Variants in MEIS2 observed in about 807,000 individuals in gnomAD.
MEIS2 encodes the protein Meis homeobox 2, also known as homeobox protein Meis2.
In MEIS2, 9 loss-of-function variants were observed where a neutral mutation model predicts 58.6. The observed-to-expected ratio is 0.15, with a 90% CI of 0.09 to 0.27. The LOEUF (loss-of-function observed/expected upper bound fraction) is 0.27. Among genes scored for constraint, MEIS2 ranks in the 10% least tolerant of loss-of-function variants. The pLI is 1.00. For synonymous variants in MEIS2, 221 were observed against 228.4 expected, an observed-to-expected ratio of 0.97 and a Z score of 0.29; for missense variants, 427 against 635.0, an observed-to-expected ratio of 0.67 and a Z score of 3.52.
chr15:36,993,076 C>A lies in MEIS2; in HGVS notation c.901-42676G>T, dbSNP rs116958026. Among the ~76,000 whole-genome samples, 779 of 152,000 alleles carry A rather than the reference C, an allele frequency of 5.1e-3. 2 individuals carry two copies. The highest frequency in any genetic ancestry group is 7.8e-3 in the Non-Finnish European group (529 of 67,948). The stretch of plus-strand genomic sequence containing the variant: ...GATTGTTACACAGTCATTTTATCTT[C>A]AAAAAACGGCAGCAAAATGTCAATG... On this transcript the variant is annotated intron_variant, in intron 8 of 11. Coordinates refer to ENST00000561208, the MANE Select transcript of MEIS2 (RefSeq NM_170675.5).
rs948153921 is a variant in MEIS2 at position 37,079,540 on chromosome 15, G to C, written c.754+4231C>G. ...TTAAATATATAACTGGAATACTTTGGTGGGAAAAAAATACTATTTTATAAC... is the reference window on the plus strand; with the variant it reads ...TTAAATATATAACTGGAATACTTTGCTGGGAAAAAAATACTATTTTATAAC... On this transcript the variant is annotated intron_variant, in intron 7 of 11. Transcript: ENST00000561208. Among the ~76,000 whole-genome samples the C allele has an allele frequency of 6.2e-4, 5 of 8,080 alleles. No individual in the cohort carries two copies. The Non-Finnish European group carries it at 0.015, about 24-fold the overall frequency. 5.3% of individuals were successfully genotyped at this position (8,080 alleles called of 152,430 possible). A position where few individuals can be genotyped will look rare whatever the true frequency, so the allele number is the denominator to read the frequency against.
chr15:36,917,304 C>T (rs1231995133), intron 9 of MEIS2, among the ~76,000 whole-genome samples: 2 of 152,062 alleles, frequency 1.3e-5, no homozygotes, highest in Admixed American at 1.3e-4. Context: ...AATTTGAAAG[C>T]CAGTAGGTTC....
Position 37,047,413 on chromosome 15 carries a change from T to C in MEIS2, c.755-10454A>G, listed in dbSNP as rs903873953. Among the ~76,000 whole-genome samples the C allele has an allele frequency of 2.0e-5, 3 of 152,138 alleles. 1 individual carries two copies. Among genetic ancestry groups the C allele is most frequent in the Non-Finnish European group, 4.4e-5 (3 of 68,024 alleles). On this transcript the variant is annotated intron_variant, in intron 7 of 11. Transcript: ENST00000561208. ...CAAGTCATCCTAGGAATGTGCCAGA[T>C]ACCATCATTTCCCTCCTGTGATACA...
chr15:37,068,902 C>A (rs577160536), intron 7 of MEIS2, among the ~76,000 whole-genome samples: 1 of 152,074 alleles, frequency 6.6e-6, no homozygotes, highest in African/African-American at 2.4e-5. Flanking sequence ...TTTCAAGGTC[C>A]CTATCAATGT....
At chr15:37,049,508 ACAGAGTCTCACTCTGTCTC>A in intron 7 of MEIS2, among the ~76,000 whole-genome samples, 1 of 150,304 alleles carries the variant, frequency 6.7e-6, no homozygotes, top group African/African-American at 2.5e-5. Flanking sequence ...TTTTTTGGAG[ACAGAGTCTCACTCTGTCTC>A]CCAGGCCGGA....
chr15:37,003,023 C>T (rs1428962003), intron 8 of MEIS2, among the ~76,000 whole-genome samples: 2 of 152,084 alleles, frequency 1.3e-5, no homozygotes, highest in Non-Finnish European at 2.9e-5. Context: ...CACTTACCTC[C>T]ACAAAGATTT....
intron 8 of MEIS2, among the ~76,000 whole-genome samples, chr15:36,973,651 T>C (rs2059643839): frequency 6.6e-6 from 1 of 152,214 alleles, no homozygotes; most frequent in South Asian, 2.1e-4. Flanking sequence ...GAATCAGGTT[T>C]GGTGCTTTGC....
chr15:36,910,172 C>T (rs905466641), intron 9 of MEIS2, among the ~76,000 whole-genome samples: 1 of 152,112 alleles, frequency 6.6e-6, no homozygotes, highest in Admixed American at 6.5e-5. Context: ...TGCCACTCCA[C>T]TCCAGTCTGG....
intron 7 of MEIS2, among the ~76,000 whole-genome samples, chr15:37,075,661 C>G (rs1891308383): frequency 6.6e-6 from 1 of 151,888 alleles, no homozygotes; most frequent in Non-Finnish European, 1.5e-5. Context: ...ATAATCTGCA[C>G]CTTGGAAAAG....
At position 36,944,710 on chromosome 15, in the gene MEIS2, C is replaced by T. The variant is rs141387844; in HGVS notation, c.977+5614G>A. Among the ~76,000 whole-genome samples, 1,504 of 152,196 alleles carry T rather than the reference C, an allele frequency of 9.9e-3. 8 individuals are homozygous for T. Among genetic ancestry groups the T allele is most frequent in the Non-Finnish European group, 0.016 (1,079 of 67,958 alleles). ...CTTGAGATTCAAATGGATTTTTATT[C>T]AGAAACATAGATGTTACTTGGAAAT... On this transcript the variant is annotated intron_variant, in intron 9 of 11. Coordinates refer to ENST00000561208, the MANE Select transcript of MEIS2 (RefSeq NM_170675.5).
intron 7 of MEIS2, among the ~76,000 whole-genome samples, chr15:37,081,680 C>A (rs979099839): frequency 6.6e-6 from 1 of 152,070 alleles, no homozygotes; most frequent in Admixed American, 6.6e-5. Context: ...AGAAATCATA[C>A]CTTTTTTTTC....
chr15:37,021,126 C>T (rs1383983496), intron 8 of MEIS2, among the ~76,000 whole-genome samples: 1 of 152,170 alleles, frequency 6.6e-6, no homozygotes, highest in African/African-American at 2.4e-5. Flanking sequence ...GCCACCCAGG[C>T]TATGGTATTT....
rs559397453 is a variant in MEIS2, at chr15:37,042,384, ACTT to A, written c.755-5428_755-5426del. On this transcript the variant is annotated intron_variant, in intron 7 of 11. Transcript: ENST00000561208. ...CAACAACCAAGACAGTCCTAGTCCAACTTCTTCTACTTACCCCATCCCTGCCAA... is the reference window on the plus strand; with the variant it reads ...CAACAACCAAGACAGTCCTAGTCCAACTTCTACTTACCCCATCCCTGCCAA... Among the ~76,000 whole-genome samples, 788 of 152,232 alleles carry A rather than the reference ACTT, an allele frequency of 5.2e-3. 1 individual carries two copies. The highest frequency in any genetic ancestry group is 8.2e-3 in the Non-Finnish European group (557 of 68,004).
At position 37,096,303 on chromosome 15, in the gene MEIS2, C is replaced by T; in HGVS notation, c.373G>A (p.Val125Ile). ...GAAGGCTGGACCTGCTTGGCGAAGA[C>T]CGCGATGTCCTCGTTGAAGGAGTCG... ...SSDSFNEDIA[V>I]FAKQVRAEKP... Residue 125 changes from valine (V) to isoleucine (I), a missense_variant, in exon 3 of 12, where the codon GTC becomes ATC. Around this residue, in one of 6 missense-constraint regions of MEIS2, gnomAD observed 138 missense variants for 263.0 expected, o/e 0.52. Coordinates refer to ENST00000561208, the MANE Select transcript of MEIS2 (RefSeq NM_170675.5). 1.2e-6 allele frequency: 2 copies of T among 1,610,672 alleles called. No homozygotes were observed. The highest frequency in any genetic ancestry group is 1.7e-6 in the Non-Finnish European group (2 of 1,177,858).
At chr15:37,073,854 T>C (rs919128773) in intron 7 of MEIS2, among the ~76,000 whole-genome samples, 2 of 152,064 alleles carry the variant, frequency 1.3e-5, no homozygotes, top group African/African-American at 4.8e-5. Flanking sequence ...GCAAGAGTCA[T>C]ATCTCCAGCT....
chr15:37,030,759 T>C (rs1043361475), intron 8 of MEIS2, among the ~76,000 whole-genome samples: 15 of 151,716 alleles, frequency 9.9e-5, no homozygotes, highest in Non-Finnish European at 1.5e-4. Flanking sequence ...CTCCACCTCA[T>C]ACTGCCAAGC....
At position 36,975,649 on chromosome 15, in the gene MEIS2, T is replaced by C. The variant is rs537882361; in HGVS notation, c.901-25249A>G. 5.9e-5 allele frequency among the ~76,000 whole-genome samples: 9 copies of C among 152,226 alleles called. No individual in the cohort carries two copies. In the East Asian group the frequency reaches 1.5e-3, roughly 26 times the overall value. ...TGGGAATCTAACGAGGTTTTGGTTT[T>C]TGTTTTTACTTCCAACTGTTTGTTG... On this transcript the variant is annotated intron_variant, in intron 8 of 11. Transcript: ENST00000561208.
intron 9 of MEIS2, among the ~76,000 whole-genome samples, chr15:36,942,590 C>T (rs1488384396): frequency 6.6e-6 from 1 of 152,128 alleles, no homozygotes; most frequent in Non-Finnish European, 1.5e-5. Context: ...AGCAGATTCT[C>T]AATTAAGTAA....
chr15:36,950,499 T>C, intron 8 of MEIS2, 99 bp from the exon 9 acceptor site: 1 of 1,144,472 alleles, frequency 8.7e-7, no homozygotes, highest in Non-Finnish European at 1.3e-6. Context: ...CTTTAGTCTA[T>C]GGCTTGATTT....
Sources: allele counts gnomAD v4.1 joint callset (sites outside exome capture counted in the v4.1 genomes callset), GRCh38; gene constraint gnomAD v4.1.1; regional missense constraint gnomAD v4.1.1; transcripts MANE v1.5; gene names NCBI Gene and HGNC (gene_info 2026-07-23, HGNC 2026-07-21).